Variants in CSMD3 observed in about 807,000 individuals in gnomAD.
CSMD3 encodes CUB and sushi domain-containing protein 3.
CSMD3 carries 177 observed loss-of-function variants against 435.2 expected under a neutral mutation model. The ratio of observed to expected loss-of-function variants is 0.41; its 90% CI spans 0.36 to 0.46. The LOEUF is 0.46. Among genes scored for constraint, CSMD3 ranks in the 20% least tolerant of loss-of-function variants. The pLI is 0.34. For missense variants in CSMD3, 4,265 were observed against 4,504.6 expected (o/e 0.95, Z 1.52); for synonymous variants, 1,656 against 1,520.5 (o/e 1.09, Z -2.07).
intron 10 of CSMD3, among the ~76,000 whole-genome samples, chr8:112,868,358 G>A (rs2081042968): frequency 6.6e-6 from 1 of 152,120 alleles, no homozygotes; most frequent in Admixed American, 6.6e-5. Flanking sequence ...AAAGTATGGT[G>A]TAGTAAATAC....
chr8:112,811,769 C>A (rs916211344), intron 12 of CSMD3, among the ~76,000 whole-genome samples: 2 of 152,042 alleles, frequency 1.3e-5, no homozygotes, highest in African/African-American at 4.8e-5. Flanking sequence ...TTTTGTGAAG[C>A]GGATTCATTG....
chr8:113,062,424 G>T (rs532138102), intron 5 of CSMD3, among the ~76,000 whole-genome samples: 1 of 151,998 alleles, frequency 6.6e-6, no homozygotes, highest in Admixed American at 6.6e-5. Context: ...TCAAAGAAAT[G>T]AAACGTATTT....
chr8:113,303,017 A>T (rs1026375600), intron 2 of CSMD3, among the ~76,000 whole-genome samples: 1 of 82,504 alleles, frequency 1.2e-5, no homozygotes, highest in African/African-American at 5.2e-5. Context: ...AAACCCCATC[A>T]TCTCAGCCCA....
intron 41 of CSMD3, among the ~76,000 whole-genome samples, chr8:112,343,942 G>C (rs182893251): frequency 1.2e-3 from 179 of 152,200 alleles, no homozygotes; most frequent in Admixed American, 4.4e-3. Flanking sequence ...GAGTGCAGTG[G>C]CAAGATCTCC....
At chr8:112,243,245 ATAG>A (rs1325322857) in intron 65 of CSMD3, among the ~76,000 whole-genome samples, 2 of 151,940 alleles carry the variant, frequency 1.3e-5, no homozygotes, top group East Asian at 1.9e-4. Flanking sequence ...TAAAAAAAAA[ATAG>A]AAAGAAAAAT....
intron 4 of CSMD3, among the ~76,000 whole-genome samples, chr8:113,128,710 T>C (rs1377957915): frequency 1.3e-5 from 2 of 152,088 alleles, no homozygotes; most frequent in East Asian, 3.9e-4. Flanking sequence ...CATATTTGAG[T>C]ATATAAACCA....
rs377706508 is a variant in CSMD3 at position 112,353,303 on chromosome 8, T to C, written c.6137-769A>G. On this transcript the variant is annotated intron_variant, in intron 38 of 70. Coordinates refer to ENST00000297405, the MANE Select transcript of CSMD3 (RefSeq NM_198123.2). The stretch of plus-strand genomic sequence containing the variant: ...TACTTGGGAGGCTAAGGCAGGAGAA[T>C]TGCTTGAACCCAGGAGGCGGAGGTT... Among the ~76,000 whole-genome samples the C allele has an allele frequency of 2.1e-4, 32 of 152,156 alleles. No individual in the cohort carries two copies. In the East Asian group the frequency reaches 3.9e-3, roughly 18 times the overall value.
At chr8:112,575,658 C>A (rs1829884910) in intron 23 of CSMD3, among the ~76,000 whole-genome samples, 1 of 152,040 alleles carries the variant, frequency 6.6e-6, no homozygotes, top group African/African-American at 2.4e-5. Flanking sequence ...CAAAACCAAA[C>A]CAAATGTTGA....
intron 3 of CSMD3, among the ~76,000 whole-genome samples, chr8:113,239,722 CTG>C (rs1410293106): frequency 6.6e-6 from 1 of 151,916 alleles, no homozygotes; most frequent in East Asian, 1.9e-4. Context: ...TGTGAAGGGA[CTG>C]TTCGTAGAAA....
At chr8:113,086,744 T>C (rs144727692) in intron 5 of CSMD3, among the ~76,000 whole-genome samples, 3 of 152,174 alleles carry the variant, frequency 2.0e-5, no homozygotes, top group Admixed American at 6.5e-5. Flanking sequence ...TGATATTTTA[T>C]TGGTTTTTCT....
intron 1 of CSMD3, among the ~76,000 whole-genome samples, chr8:113,401,187 G>C (rs149987033): frequency 6.6e-6 from 1 of 151,732 alleles, no homozygotes; most frequent in Non-Finnish European, 1.5e-5. Flanking sequence ...ATGGAGCATT[G>C]AAATAAACAT....
chr8:113,186,511 A>G (rs1404216162), intron 3 of CSMD3, among the ~76,000 whole-genome samples: 1 of 151,956 alleles, frequency 6.6e-6, no homozygotes, highest in Non-Finnish European at 1.5e-5. Context: ...CGTTTATAGG[A>G]CGCTTTCCCA....
intron 59 of CSMD3, among the ~76,000 whole-genome samples, chr8:112,279,421 G>A (rs1017442808): frequency 1.4e-4 from 22 of 152,202 alleles, no homozygotes; most frequent in Admixed American, 1.4e-3. Flanking sequence ...TGGTCAGAGT[G>A]CCCATTGACC....
chr8:112,324,021 A>C (rs1223617301), intron 45 of CSMD3, among the ~76,000 whole-genome samples: 2 of 152,094 alleles, frequency 1.3e-5, no homozygotes, highest in African/African-American at 2.4e-5. Context: ...TTTATAGATA[A>C]ATAAACCTCA....
intron 10 of CSMD3, among the ~76,000 whole-genome samples, chr8:112,912,241 G>A (rs2130546545): frequency 6.6e-6 from 1 of 151,284 alleles, no homozygotes; most frequent in African/African-American, 2.4e-5. Context: ...ATATGTCTTG[G>A]ACATACTGCT....
chr8:113,220,191 T>C (rs972932630), intron 3 of CSMD3, among the ~76,000 whole-genome samples: 2 of 151,320 alleles, frequency 1.3e-5, no homozygotes, highest in African/African-American at 4.8e-5. Context: ...ATAGATCCGT[T>C]TGATGAAAGA....
At chr8:112,896,211 G>A (rs1307852467) in intron 10 of CSMD3, among the ~76,000 whole-genome samples, 3 of 151,356 alleles carry the variant, frequency 2.0e-5, no homozygotes, top group Non-Finnish European at 4.4e-5. Context: ...CACCTACATA[G>A]AAAGTCCACA....
At chr8:112,929,846 TTAAA>T (rs1481288251) in intron 9 of CSMD3, among the ~76,000 whole-genome samples, 1 of 152,090 alleles carries the variant, frequency 6.6e-6, no homozygotes, top group Admixed American at 6.6e-5. Context: ...AATTAAAAGC[TTAAA>T]TAATTTTTTT....
chr8:112,488,370 T>A (rs2130830788), intron 31 of CSMD3, among the ~76,000 whole-genome samples: 1 of 152,334 alleles, frequency 6.6e-6, no homozygotes, highest in Admixed American at 6.5e-5. Context: ...TATGCTCTTC[T>A]AGGGTGCGAC....
Sources: allele counts gnomAD v4.1 joint callset (sites outside exome capture counted in the v4.1 genomes callset), GRCh38; gene constraint gnomAD v4.1.1; transcripts MANE v1.5; gene names NCBI Gene and HGNC (gene_info 2026-07-23, HGNC 2026-07-21).